The following CFAP54 variants were observed in gnomAD, a reference collection of about 807,000 sequenced individuals.
The protein encoded by CFAP54 is cilia- and flagella-associated protein 54.
In CFAP54, 290 loss-of-function variants were observed where a neutral mutation model predicts 370.4. That is an observed-to-expected ratio of 0.78 (90% CI 0.71 to 0.86). The LOEUF (loss-of-function observed/expected upper bound fraction) is 0.86, where lower values mean the gene tolerates loss of function less well. CFAP54 is among the 40% of genes least tolerant of loss of function. CFAP54 has a pLI of 0.00. For missense variants in CFAP54, 3,399 were observed against 3,528.7 expected (o/e 0.96, Z 0.93); for synonymous variants, 1,206 against 1,236.5 (o/e 0.98, Z 0.52).
chr12:96,846,337 C>T (rs926050535), intron 66 of CFAP54, among the ~76,000 whole-genome samples: 1 of 152,184 alleles, frequency 6.6e-6, no homozygotes, highest in Non-Finnish European at 1.5e-5. Flanking sequence ...GGCCTCTACA[C>T]CCTGTGCAGG....
chr12:96,540,920 C>T lies in CFAP54; in HGVS notation c.2010C>T (p.Val670=), dbSNP rs745780798. ...EDIDIVVVAE[V]TLRLSEILES... Reference sequence around the variant, plus strand: ...TTGACATTGTGGTAGTGGCAGAAGTCACATTACGGTTAAGTGAAATATTGG... The same window carrying T: ...TTGACATTGTGGTAGTGGCAGAAGTTACATTACGGTTAAGTGAAATATTGG... The change falls in exon 14 of 68, where the codon GTC becomes GTT. Residue 670 remains valine, a synonymous_variant. Coordinates refer to ENST00000524981, the MANE Select transcript of CFAP54 (RefSeq NM_001306084.2). 636 of 1,521,832 alleles carry T rather than the reference C, an allele frequency of 4.2e-4. 1 individual carries two copies. Among genetic ancestry groups the T allele is most frequent in the Non-Finnish European group, 5.2e-4 (591 of 1,140,756 alleles). The allele number at this position is 1,521,832 out of a possible 1,614,324, so 94.3% of individuals were successfully genotyped here.
At position 96,691,134 on chromosome 12, in the gene CFAP54, C is replaced by T. The variant is rs753094188; in HGVS notation, c.6088C>T (p.Leu2030Phe). ...CACTTTTTTTCATTTTCAGGGTTTG[C>T]TTAGAACAACACTTCCACATCCCAA... is the stretch of plus-strand genomic sequence containing the variant. ...ILSALLFQGL[L>F]RTTLPHPKAE... Residue 2030 changes from leucine to phenylalanine, a missense_variant, in exon 44 of 68, where the codon CTT (leucine) becomes TTT (phenylalanine). Transcript: ENST00000524981. 5 of 1,612,618 alleles carry T rather than the reference C, an allele frequency of 3.1e-6. No homozygotes were observed. The highest frequency in any genetic ancestry group is 3.4e-6 in the Non-Finnish European group (4 of 1,179,496).
intron 1 of CFAP54, among the ~76,000 whole-genome samples, chr12:96,497,325 AAC>A (rs1183390504): frequency 6.6e-6 from 1 of 152,258 alleles, no homozygotes; most frequent in Non-Finnish European, 1.5e-5. Flanking sequence ...CAAAATAGCT[AAC>A]ACAGCATTGA....
At chr12:96,871,079 A>T (rs1243646632) in intron 67 of CFAP54, among the ~76,000 whole-genome samples, 1 of 152,194 alleles carries the variant, frequency 6.6e-6, no homozygotes, top group Non-Finnish European at 1.5e-5. Flanking sequence ...TTCAACAAGG[A>T]GGGAGACAGT....
In CFAP54 at chr12:96,786,703, T is replaced by G; in HGVS notation, c.8484T>G (p.Ser2828=). The change falls in exon 62 of 68, where the codon TCT becomes TCG. Residue 2828 remains serine (S), a synonymous_variant. Transcript: ENST00000524981. ...CTGCAACACCAGTATCTGGAATTTC[T>G]TTGCCAGATGATACACTTCTCACAT... is the stretch of plus-strand genomic sequence containing the variant. The part of the protein sequence containing the change: ...LASATPVSGI[S]LPDDTLLTSL... 1 of 1,533,916 alleles carries G rather than the reference T, an allele frequency of 6.5e-7. No individual in the cohort carries two copies. The highest frequency in any genetic ancestry group is 8.7e-7 in the Non-Finnish European group (1 of 1,145,660).
intron 23 of CFAP54, among the ~76,000 whole-genome samples, chr12:96,589,959 C>T (rs1277678785): frequency 6.6e-6 from 1 of 152,100 alleles, no homozygotes; most frequent in Non-Finnish European, 1.5e-5. Flanking sequence ...GCTGGCCAGA[C>T]TGGTCTCGAA....
rs771627222 is a variant in CFAP54 at position 96,691,199 on chromosome 12, T to A, written c.6153T>A (p.Leu2051=). The A allele has an allele frequency of 1.8e-5, 29 of 1,613,650 alleles. No individual in the cohort carries two copies. The African/African-American group carries it at 3.6e-4, about 20-fold the overall frequency. ...RCYAQYEITQ[L]LPGIELFSDR... is the part of the protein sequence containing the mutation. The stretch of plus-strand genomic sequence containing the variant: ...ATGCTCAATATGAAATCACTCAGCT[T>A]CTCCCAGGCATTGAACTCTTCTCAG... Residue 2051 remains leucine (L), a synonymous_variant, in exon 44 of 68, where the codon CTT becomes CTA. Coordinates refer to ENST00000524981, the MANE Select transcript of CFAP54 (RefSeq NM_001306084.2).
intron 55 of CFAP54, among the ~76,000 whole-genome samples, chr12:96,749,234 C>T (rs2047882126): frequency 6.6e-6 from 1 of 152,178 alleles, no homozygotes; most frequent in Admixed American, 6.5e-5. Context: ...TCTATGTGTC[C>T]TTACATGGTG....
chr12:96,749,359 C>A (rs1397945620), intron 55 of CFAP54, among the ~76,000 whole-genome samples: 1 of 152,240 alleles, frequency 6.6e-6, no homozygotes, highest in Non-Finnish European at 1.5e-5. Context: ...GACCTAATCA[C>A]CTCCCAAAGT....
chr12:96,846,680 G>C (rs993098903), intron 66 of CFAP54, among the ~76,000 whole-genome samples: 1 of 152,148 alleles, frequency 6.6e-6, no homozygotes, highest in Non-Finnish European at 1.5e-5. Flanking sequence ...CATGGTGGAG[G>C]TGATACTGTC....
In CFAP54 at chr12:96,825,631, A is replaced by G. The variant is rs534173987; in HGVS notation, c.9097-3383A>G. Among the ~76,000 whole-genome samples the G allele has an allele frequency of 8.2e-3, 997 of 121,360 alleles. 28 individuals carry two copies. In the East Asian group the frequency reaches 0.1, roughly 12 times the overall value. 79.6% of individuals were successfully genotyped at this position (121,360 alleles called of 152,430 possible). A position where few individuals can be genotyped will look rare whatever the true frequency, so the allele number is the denominator to read the frequency against. On this transcript the variant is annotated intron_variant, in intron 65 of 67. Transcript: ENST00000524981. ...TTATATATGATATAATATATAATAT[A>G]TATCACCCTATTGTATATTATATAT... is the stretch of plus-strand genomic sequence containing the variant.
chr12:96,726,226 G>T lies in CFAP54; in HGVS notation c.6965+5661G>T, dbSNP rs537024316. ...AGGGAGGATTCCCTCTTTTTCTATT[G>T]ATTGGAATAGTTTCAGAAGGAATGG... On this transcript the variant is annotated intron_variant, in intron 50 of 67. Coordinates refer to ENST00000524981, the MANE Select transcript of CFAP54 (RefSeq NM_001306084.2). Among the ~76,000 whole-genome samples, 609 of 151,464 alleles carry T rather than the reference G, an allele frequency of 4.0e-3. 6 individuals carry two copies. Among genetic ancestry groups the T allele is most frequent in the African/African-American group, 0.014 (571 of 41,320 alleles).
At chr12:96,722,180 C>T (rs1354275115) in intron 50 of CFAP54, among the ~76,000 whole-genome samples, 3 of 152,232 alleles carry the variant, frequency 2.0e-5, no homozygotes, top group African/African-American at 7.2e-5. Flanking sequence ...TCCTTACTTT[C>T]TCCATACATT....
In CFAP54 at chr12:96,593,677, C is replaced by G. The variant is rs538878802; in HGVS notation, c.3361-614C>G. ...TTACCACTCAGACAGTTTCTTTATA[C>G]ATAATCTTGAATATATATATATAGA... On this transcript the variant is annotated intron_variant, in intron 24 of 67. Transcript: ENST00000524981. Among the ~76,000 whole-genome samples the G allele has an allele frequency of 6.6e-4, 99 of 151,120 alleles. 1 individual carries two copies. In the South Asian group the frequency reaches 0.02, roughly 31 times the overall value.
chr12:96,854,311 T>C (rs575296051), intron 66 of CFAP54, among the ~76,000 whole-genome samples: 274 of 152,182 alleles, frequency 1.8e-3, no homozygotes, highest in Non-Finnish European at 2.9e-3. Context: ...TTTTTCTGAA[T>C]AAAAAATAGT....
intron 6 of CFAP54, among the ~76,000 whole-genome samples, chr12:96,520,471 C>T (rs969725046): frequency 3.3e-5 from 5 of 151,968 alleles, no homozygotes; most frequent in African/African-American, 7.3e-5. Context: ...GAGATCGCAC[C>T]GTTGCACTCC....
chr12:96,816,127 G>A (rs962871237), intron 64 of CFAP54, among the ~76,000 whole-genome samples: 4 of 152,156 alleles, frequency 2.6e-5, no homozygotes, highest in Non-Finnish European at 4.4e-5. Context: ...GATGGGAATA[G>A]CATTGAATCT....
intron 45 of CFAP54, among the ~76,000 whole-genome samples, chr12:96,697,835 A>G (rs1032754952): frequency 6.6e-6 from 1 of 152,136 alleles, no homozygotes; most frequent in African/African-American, 2.4e-5. Context: ...ATAACTCCTT[A>G]CCACACAGAG....
intron 32 of CFAP54, among the ~76,000 whole-genome samples, chr12:96,641,844 C>G (rs11108604): frequency 6.6e-6 from 1 of 151,170 alleles, no homozygotes; most frequent in South Asian, 2.1e-4. Context: ...AACCAAACAT[C>G]GCATGTTCTC....
Sources: gnomAD v4.1 joint callset for allele counts (sites outside exome capture counted in the v4.1 genomes callset) on GRCh38, gnomAD v4.1.1 for gene constraint, MANE v1.5 for transcripts, NCBI Gene and HGNC (gene_info 2026-07-23, HGNC 2026-07-21) for gene names.